Variants in ANKRD18A observed in about 807,000 individuals in gnomAD.
ANKRD18A encodes the protein ankyrin repeat domain-containing protein 18A.
In ANKRD18A, 72 loss-of-function variants were observed where a neutral mutation model predicts 110.6. That is an observed-to-expected ratio of 0.65 (90% CI 0.54 to 0.79). The LOEUF (loss-of-function observed/expected upper bound fraction) is 0.79. Ranked by LOEUF, ANKRD18A falls within the 30% of genes least tolerant of loss-of-function variation. The probability of loss-of-function intolerance (pLI) is 0.00; values close to 1 mark genes in which losing one functional copy is unlikely to be tolerated. For synonymous variants in ANKRD18A, 305 were observed against 410.3 expected, an observed-to-expected ratio of 0.74 and a Z score of 3.10; for missense variants, 934 against 1,163.3, an observed-to-expected ratio of 0.80 and a Z score of 2.87.
At position 38,620,362 on chromosome 9, in the gene ANKRD18A, C is replaced by T. The variant is rs1826040414; in HGVS notation, c.-77G>A. 1 of 1,463,520 alleles carries T rather than the reference C, an allele frequency of 6.8e-7. No individual in the cohort carries two copies. Among genetic ancestry groups the T allele is most frequent in the South Asian group, 1.3e-5 (1 of 74,096 alleles). The allele number at this position is 1,463,520 out of a possible 1,614,324, so 90.7% of individuals were successfully genotyped here. ...TCGTGGCCTTTCCACCCCCACTCCG[C>T]CCCAAATCCGCGATCTCCCCCGCAA... is the stretch of plus-strand genomic sequence containing the variant. On this transcript the variant is annotated 5_prime_UTR_variant, in exon 1 of 16. Transcript: ENST00000399703.
Position 38,595,461 on chromosome 9 carries a change from A to C in ANKRD18A, c.1854+25T>G. 5 of 1,436,262 alleles carry C rather than the reference A, an allele frequency of 3.5e-6. No individual in the cohort carries two copies. The Admixed American group carries it at 1.2e-4, about 34-fold the overall frequency. The allele number at this position is 1,436,262 out of a possible 1,614,324, so 89.0% of individuals were successfully genotyped here. A position where few individuals can be genotyped will look rare whatever the true frequency, so the allele number is the denominator to read the frequency against. The stretch of plus-strand genomic sequence containing the variant: ...GAAATATTTAAATTTTCTTTCCAGA[A>C]GTTTATAGTTTTCTTCATACTTACT... On this transcript the variant is annotated intron_variant, in intron 9 of 15. Coordinates refer to ENST00000399703, the MANE Select transcript of ANKRD18A (RefSeq NM_147195.4).
chr9:38,593,192 G>C (rs1270039753), intron 10 of ANKRD18A, among the ~76,000 whole-genome samples: 1 of 152,198 alleles, frequency 6.6e-6, no homozygotes, highest in East Asian at 1.9e-4. Context: ...TTAGATCTGA[G>C]TATTTCTACG....
rs549391291 is a variant in ANKRD18A, at chr9:38,613,450, C to A, written c.496-2129G>T. ...CAAGTATTTGCATGTGGAACTTTTT[C>A]TCTGTCTAGTATCGTATGTTTAATA... On this transcript the variant is annotated intron_variant, in intron 3 of 15. Transcript: ENST00000399703. Among the ~76,000 whole-genome samples the A allele has an allele frequency of 3.6e-4, 54 of 150,406 alleles. No homozygotes were observed. In the South Asian group the frequency reaches 0.011, roughly 31 times the overall value.
chr9:38,589,240 T>C (rs1824526816), intron 10 of ANKRD18A, among the ~76,000 whole-genome samples: 1 of 149,820 alleles, frequency 6.7e-6, no homozygotes, highest in Non-Finnish European at 1.5e-5. Context: ...TTTTGTCTAC[T>C]TTTTGTGGCT....
chr9:38,573,608 G>C (rs987623962), intron 15 of ANKRD18A, among the ~76,000 whole-genome samples: 7 of 152,062 alleles, frequency 4.6e-5, no homozygotes, highest in Admixed American at 3.9e-4. Context: ...CCAGCTACTC[G>C]GGAGGCTGAG....
At chr9:38,601,021 G>C in intron 8 of ANKRD18A, 110 bp downstream of exon 8, 1 of 933,490 alleles carries the variant, frequency 1.1e-6, no homozygotes. Flanking sequence ...TGCTCTGTTG[G>C]ATTCTAAAAG....
At chr9:38,605,817 T>C (rs1825327809) in intron 6 of ANKRD18A, among the ~76,000 whole-genome samples, 1 of 152,278 alleles carries the variant, frequency 6.6e-6, no homozygotes, top group South Asian at 2.1e-4. Flanking sequence ...TTTCACCATG[T>C]TGGTCAGGCT....
chr9:38,588,414 A>C, intron 11 of ANKRD18A, 137 bp downstream of exon 11: 1 of 613,290 alleles, frequency 1.6e-6, no homozygotes, highest in Non-Finnish European at 2.4e-6. Context: ...AGTTTCTGAA[A>C]TACATTTTAA....
At chr9:38,588,459 A>G (rs1824481893) in intron 11 of ANKRD18A, 92 bp downstream of exon 11, 1 of 849,036 alleles carries the variant, frequency 1.2e-6, no homozygotes, top group Non-Finnish European at 1.6e-6. Flanking sequence ...ATGAAGACAT[A>G]AAATGGATTT....
intron 3 of ANKRD18A, among the ~76,000 whole-genome samples, chr9:38,612,676 C>G (rs565425263): frequency 4.6e-5 from 7 of 152,026 alleles, no homozygotes; most frequent in Non-Finnish European, 8.8e-5. Context: ...TGCCACCACA[C>G]CTGGCTAACT....
intron 11 of ANKRD18A, among the ~76,000 whole-genome samples, chr9:38,588,083 G>A (rs534910826): frequency 6.6e-6 from 1 of 152,176 alleles, no homozygotes; most frequent in South Asian, 2.1e-4. Context: ...GCCAGACTCT[G>A]TCTCAAAAGA....
At position 38,590,309 on chromosome 9, in the gene ANKRD18A, G is replaced by A. The variant is rs545150422; in HGVS notation, c.2005-1646C>T. On this transcript the variant is annotated intron_variant, in intron 10 of 15. Transcript: ENST00000399703. ...GTCACACTCTGTCATCCAGGCTAGA[G>A]TGCAGTGGTGCCATGTCGGCTCACT... 2.6e-5 allele frequency among the ~76,000 whole-genome samples: 4 copies of A among 151,480 alleles called. No homozygotes were observed. In the East Asian group the frequency reaches 7.8e-4, roughly 29 times the overall value.
chr9:38,614,452 G>T (rs1410722821), intron 3 of ANKRD18A, among the ~76,000 whole-genome samples: 1 of 151,966 alleles, frequency 6.6e-6, no homozygotes, highest in Non-Finnish European at 1.5e-5. Context: ...ATGGCTTCAA[G>T]AAAATATTTT....
intron 4 of ANKRD18A, 66 bp from the exon 5 acceptor site, chr9:38,610,476 T>C: frequency 6.7e-7 from 1 of 1,493,204 alleles, no homozygotes; most frequent in East Asian, 2.5e-5. Flanking sequence ...GCAAATTGGA[T>C]ACACTTTACC....
intron 12 of ANKRD18A, among the ~76,000 whole-genome samples, chr9:38,585,066 G>A (rs1372294413): frequency 6.6e-6 from 1 of 152,110 alleles, no homozygotes; most frequent in Non-Finnish European, 1.5e-5. Flanking sequence ...CTTCTGTGGG[G>A]GAATCTGCAT....
chr9:38,599,239 T>C (rs1307351444), intron 8 of ANKRD18A, among the ~76,000 whole-genome samples: 2 of 151,994 alleles, frequency 1.3e-5, no homozygotes, highest in African/African-American at 2.4e-5. Context: ...AAGACCTGAG[T>C]GAGATGGGCT....
chr9:38,595,463 T>G (rs114789407), intron 9 of ANKRD18A, 23 bp downstream of exon 9: 34,409 of 1,438,010 alleles, frequency 0.024, 798 homozygotes, highest in African/African-American at 0.12. Context: ...TTTCCAGAAG[T>G]TTATAGTTTT....
downstream of ANKRD18A, chr9:38,570,985 C>T: frequency 1.0e-6 from 1 of 966,452 alleles, no homozygotes; most frequent in Non-Finnish European, 1.4e-6. Context: ...TCCCAGGGCC[C>T]TTCCTGAAGA....
intron 15 of ANKRD18A, chr9:38,572,513 T>C (rs200254685): frequency 2.1e-4 from 32 of 154,584 alleles, no homozygotes; most frequent in Admixed American, 3.2e-4. Flanking sequence ...ATACATAGGT[T>C]GATGACTGAA....
Sources: allele counts gnomAD v4.1 joint callset (sites outside exome capture counted in the v4.1 genomes callset), GRCh38; gene constraint gnomAD v4.1.1; transcripts MANE v1.5; gene names NCBI Gene and HGNC (gene_info 2026-07-23, HGNC 2026-07-21).